RSRC1: variants seen among roughly 807,000 people sequenced by gnomAD.
The protein encoded by RSRC1 is serine/Arginine-related protein 53.
Under a neutral mutation model 49.1 loss-of-function variants are expected in RSRC1, and 39 were observed. The observed-to-expected ratio is 0.79, with a 90% CI of 0.61 to 1.04. The LOEUF (loss-of-function observed/expected upper bound fraction) is 1.04. Ranked by LOEUF, RSRC1 falls within the 50% of genes least tolerant of loss-of-function variation. The pLI is 0.00. For missense variants in RSRC1, 388 were observed against 402.4 expected, an observed-to-expected ratio of 0.96 and a Z score of 0.31; for synonymous variants, 143 against 130.8, an observed-to-expected ratio of 1.09 and a Z score of -0.63.
intron 4 of RSRC1, 98 bp from the exon 5 acceptor site, chr3:158,297,941 G>A (rs1727329216): frequency 2.3e-6 from 2 of 858,854 alleles, no homozygotes; most frequent in Non-Finnish European, 3.9e-6. Flanking sequence ...AAATACATAT[G>A]AAAAAATTAC....
In RSRC1 at chr3:158,474,999, C is replaced by T. The variant is rs536669626; in HGVS notation, c.652+13996C>T. Among the ~76,000 whole-genome samples the T allele has an allele frequency of 4.6e-5, 7 of 152,138 alleles. No individual in the cohort carries two copies. The East Asian group carries it at 9.6e-4, about 21-fold the overall frequency. On this transcript the variant is annotated intron_variant, in intron 7 of 9. Coordinates refer to ENST00000611884, the MANE Select transcript of RSRC1 (RefSeq NM_001271838.2). ...GTATGATCTCGGCTCATTGCAGCCT[C>T]AACCTCCCAGGCTCAAGACATCCTC...
intron 6 of RSRC1, among the ~76,000 whole-genome samples, chr3:158,436,516 A>G (rs1736051024): frequency 6.6e-6 from 1 of 152,000 alleles, no homozygotes; most frequent in South Asian, 2.1e-4. Context: ...ATACATATAT[A>G]CACACCAGAT....
intron 7 of RSRC1, among the ~76,000 whole-genome samples, chr3:158,531,569 A>G (rs961230815): frequency 6.6e-6 from 1 of 151,872 alleles, no homozygotes; most frequent in African/African-American, 2.4e-5. Flanking sequence ...TCGTCCGCAT[A>G]TGTAACATGG....
chr3:158,492,568 T>C (rs1739130272), intron 7 of RSRC1, among the ~76,000 whole-genome samples: 5 of 152,078 alleles, frequency 3.3e-5, no homozygotes, highest in African/African-American at 9.7e-5. Flanking sequence ...GTGGAGAAAT[T>C]CTCTTTATTT....
At chr3:158,384,683 T>C (rs142893880) in intron 6 of RSRC1, among the ~76,000 whole-genome samples, 81 of 152,200 alleles carry the variant, frequency 5.3e-4, no homozygotes, top group Middle Eastern at 3.4e-3. Context: ...CAACAGAAAC[T>C]TGGCCTTCAA....
chr3:158,234,702 C>A (rs1723146753), intron 4 of RSRC1, among the ~76,000 whole-genome samples: 1 of 152,038 alleles, frequency 6.6e-6, no homozygotes, highest in African/African-American at 2.4e-5. Context: ...CTCTTTTCTT[C>A]ACTTAAATAT....
At chr3:158,399,125 T>A (rs1733768823) in intron 6 of RSRC1, among the ~76,000 whole-genome samples, 1 of 3,946 alleles carries the variant, frequency 2.5e-4, no homozygotes, top group Non-Finnish European at 5.0e-4. Context: ...ATTATTTCCT[T>A]TTTTTTTTTT....
intron 8 of RSRC1, 37 bp from the exon 9 acceptor site, chr3:158,543,298 G>A: frequency 1.4e-6 from 2 of 1,453,992 alleles, no homozygotes; most frequent in South Asian, 1.6e-5. Context: ...CTCTAATTGT[G>A]TATTGTGTTG....
chr3:158,405,271 G>A (rs960869392), intron 6 of RSRC1, among the ~76,000 whole-genome samples: 1 of 151,636 alleles, frequency 6.6e-6, no homozygotes, highest in Non-Finnish European at 1.5e-5. Flanking sequence ...GCACACAAAT[G>A]TGAATTTTAA....
chr3:158,169,396 A>G (rs1470238805), intron 3 of RSRC1, among the ~76,000 whole-genome samples: 1 of 152,084 alleles, frequency 6.6e-6, no homozygotes, highest in Non-Finnish European at 1.5e-5. Flanking sequence ...TTCAGCATAA[A>G]TCCCTATCTT....
At chr3:158,437,219 T>C (rs1222293980) in intron 6 of RSRC1, among the ~76,000 whole-genome samples, 1 of 152,020 alleles carries the variant, frequency 6.6e-6, no homozygotes, top group Admixed American at 6.6e-5. Flanking sequence ...AAATAAGTAA[T>C]ATTTTGCTAT....
At position 158,146,556 on chromosome 3, in the gene RSRC1, T is replaced by A. The variant is rs145367232; in HGVS notation, c.320+22565T>A. 7.2e-4 allele frequency among the ~76,000 whole-genome samples: 109 copies of A among 152,340 alleles called. 1 individual carries two copies. Among genetic ancestry groups the A allele is most frequent in the Admixed American group, 5.6e-3 (85 of 15,300 alleles). On this transcript the variant is annotated intron_variant, in intron 3 of 9. Coordinates refer to ENST00000611884, the MANE Select transcript of RSRC1 (RefSeq NM_001271838.2). ...CAGTATTTTATTGAGGATTTTTGTG[T>A]CAATGTACATCAGGGATATAGGTCT...
At chr3:158,488,104 G>A (rs1413975656) in intron 7 of RSRC1, among the ~76,000 whole-genome samples, 1 of 151,996 alleles carries the variant, frequency 6.6e-6, no homozygotes. Context: ...CGTGGACACT[G>A]ACAACCTTAA....
chr3:158,165,680 A>G (rs557015056), intron 3 of RSRC1, among the ~76,000 whole-genome samples: 1 of 152,350 alleles, frequency 6.6e-6, no homozygotes, highest in Non-Finnish European at 1.5e-5. Flanking sequence ...AGCAATTAGT[A>G]AAATAATTGT....
chr3:158,178,465 T>G (rs1184687890), intron 3 of RSRC1, among the ~76,000 whole-genome samples: 2 of 152,182 alleles, frequency 1.3e-5, no homozygotes, highest in Admixed American at 6.5e-5. Flanking sequence ...TAGTCTCCTA[T>G]TTTTCCTGAT....
intron 5 of RSRC1, among the ~76,000 whole-genome samples, chr3:158,305,631 A>G (rs1727795403): frequency 6.6e-6 from 1 of 152,108 alleles, no homozygotes; most frequent in South Asian, 2.1e-4. Context: ...AGGGACAACA[A>G]CGTTGCTTTC....
intron 6 of RSRC1, among the ~76,000 whole-genome samples, chr3:158,447,459 T>C (rs1736783739): frequency 6.6e-6 from 1 of 152,000 alleles, no homozygotes; most frequent in Admixed American, 6.6e-5. Flanking sequence ...AAATTAACTA[T>C]AATTAGAAAC....
chr3:158,258,347 T>C (rs1222587867), intron 4 of RSRC1, among the ~76,000 whole-genome samples: 1 of 151,684 alleles, frequency 6.6e-6, no homozygotes, highest in African/African-American at 2.4e-5. Context: ...AGTTTTTTTT[T>C]TGTTGTTGTT....
At chr3:158,456,816 A>G (rs572312047) in intron 6 of RSRC1, among the ~76,000 whole-genome samples, 122 of 152,292 alleles carry the variant, frequency 8.0e-4, no homozygotes, top group African/African-American at 2.9e-3. Context: ...AAGTGATGAC[A>G]TTGAAAGGTT....
Sources: gnomAD v4.1 joint callset for allele counts (sites outside exome capture counted in the v4.1 genomes callset) on GRCh38, gnomAD v4.1.1 for gene constraint, MANE v1.5 for transcripts, NCBI Gene and HGNC (gene_info 2026-07-23, HGNC 2026-07-21) for gene names.